The following SLC35D4 variants were observed in gnomAD, a reference collection of about 807,000 sequenced individuals.
SLC35D4 encodes solute carrier family 35 member D4.
At chr18:23,360,026 G>T in the SLC35D4 span, among the ~76,000 whole-genome samples, 4 of 152,222 alleles carry the variant, frequency 2.6e-5, no homozygotes, top group African/African-American at 4.8e-5. Flanking sequence ...CTCCAAAGGT[G>T]CACCTGCAAG....
chr18:23,419,803 C>G, the SLC35D4 span, among the ~76,000 whole-genome samples: 2 of 151,900 alleles, frequency 1.3e-5, no homozygotes, highest in Admixed American at 1.3e-4. Flanking sequence ...TACTGCAGTC[C>G]TCTAAGAAAA....
the SLC35D4 span, among the ~76,000 whole-genome samples, chr18:23,300,016 T>C: frequency 6.6e-6 from 1 of 152,202 alleles, no homozygotes; most frequent in Non-Finnish European, 1.5e-5. Context: ...GTAATCATCA[T>C]TGTCAGCACT....
chr18:23,376,340 A>G, the SLC35D4 span, among the ~76,000 whole-genome samples: 3 of 150,904 alleles, frequency 2.0e-5, no homozygotes, highest in Admixed American at 6.6e-5. Flanking sequence ...CCAATGGACC[A>G]GCACTGACCG....
chr18:23,335,494 C>CT, the SLC35D4 span, among the ~76,000 whole-genome samples: 1 of 152,110 alleles, frequency 6.6e-6, no homozygotes, highest in Admixed American at 6.6e-5. Flanking sequence ...TCAGCCACAC[C>CT]TTAGGGAACT....
the SLC35D4 span, among the ~76,000 whole-genome samples, chr18:23,389,373 G>C: frequency 3.4e-4 from 51 of 152,178 alleles, no homozygotes; most frequent in East Asian, 9.5e-3. Flanking sequence ...GTAAACCTAT[G>C]CCTTTTTTAA....
At chr18:23,423,575 T>C in the SLC35D4 span, among the ~76,000 whole-genome samples, 1 of 152,204 alleles carries the variant, frequency 6.6e-6, no homozygotes, top group African/African-American at 2.4e-5. Flanking sequence ...TGGAATGTCA[T>C]TCCAAGGTTG....
the SLC35D4 span, among the ~76,000 whole-genome samples, chr18:23,408,614 G>A: frequency 6.6e-6 from 1 of 152,094 alleles, no homozygotes; most frequent in African/African-American, 2.4e-5. Flanking sequence ...TCCCACACCT[G>A]TCTCTCTGAA....
chr18:23,383,881 A>T, the SLC35D4 span, among the ~76,000 whole-genome samples: 3 of 150,940 alleles, frequency 2.0e-5, no homozygotes, highest in Admixed American at 2.0e-4. Context: ...ACCTCCAAGG[A>T]GCGGCAGGAT....
chr18:23,342,860 AT>A, the SLC35D4 span, among the ~76,000 whole-genome samples: 1 of 152,140 alleles, frequency 6.6e-6, no homozygotes, highest in Non-Finnish European at 1.5e-5. Flanking sequence ...CCATTTAGAT[AT>A]CTTCTTTTAT....
At chr18:23,302,810 G>A in the SLC35D4 span, among the ~76,000 whole-genome samples, 6 of 152,312 alleles carry the variant, frequency 3.9e-5, no homozygotes, top group South Asian at 2.1e-4. Flanking sequence ...GAGACCACAC[G>A]CCAACGTGAA....
the SLC35D4 span, chr18:23,356,716 T>C: frequency 6.4e-7 from 1 of 1,556,822 alleles, no homozygotes; most frequent in Middle Eastern, 1.7e-4. This position sits in a 1 kb window ranked among gnomAD's most constrained non-coding sequence, Gnocchi z 4.1. Context: ...CACATGACCC[T>C]CTGCCCCATT....
At chr18:23,358,763 C>A in the SLC35D4 span, among the ~76,000 whole-genome samples, 2 of 152,174 alleles carry the variant, frequency 1.3e-5, no homozygotes, top group Admixed American at 6.5e-5. Context: ...AAGACCTGAT[C>A]ATCTCTTGCC....
the SLC35D4 span, among the ~76,000 whole-genome samples, chr18:23,345,720 C>CA: frequency 3.4e-3 from 481 of 141,548 alleles, 3 homozygotes; most frequent in African/African-American, 0.011. Context: ...GAATTTCTAC[C>CA]AAAAAAAAAA....
the SLC35D4 span, chr18:23,370,375 T>G: frequency 9.9e-7 from 1 of 1,005,668 alleles, no homozygotes; most frequent in Non-Finnish European, 1.5e-6. Flanking sequence ...GCACGACTGC[T>G]GGTCCTTTTC....
chr18:23,363,665 C>T, the SLC35D4 span, among the ~76,000 whole-genome samples: 5 of 152,244 alleles, frequency 3.3e-5, no homozygotes, highest in Admixed American at 2.0e-4. Context: ...TGAGTCACCA[C>T]GCCCGGCTGA....
the SLC35D4 span, among the ~76,000 whole-genome samples, chr18:23,328,203 G>C: frequency 6.4e-4 from 97 of 152,216 alleles, no homozygotes; most frequent in African/African-American, 2.3e-3. Flanking sequence ...GTTCTGGCCA[G>C]GGCAATCAGG....
At chr18:23,373,052 GC>G in the SLC35D4 span, among the ~76,000 whole-genome samples, 1 of 152,148 alleles carries the variant, frequency 6.6e-6, no homozygotes, top group Admixed American at 6.5e-5. Flanking sequence ...AGTGGCTCAC[GC>G]CTGTAATACC....
chr18:23,433,807 A>G, the SLC35D4 span, among the ~76,000 whole-genome samples: 1 of 152,294 alleles, frequency 6.6e-6, no homozygotes, highest in East Asian at 1.9e-4. Flanking sequence ...ACTAAAAAAA[A>G]TGGAAATAAA....
chr18:23,295,444 T>C, the SLC35D4 span, among the ~76,000 whole-genome samples: 3 of 151,932 alleles, frequency 2.0e-5, no homozygotes, highest in Admixed American at 1.3e-4. Flanking sequence ...TTCCTCCAAA[T>C]TAATAAGTGT....
Sources: allele counts gnomAD v4.1 joint callset (sites outside exome capture counted in the v4.1 genomes callset), GRCh38; gene constraint gnomAD v4.1.1; non-coding constraint Gnocchi (gnomAD v3.1); transcripts MANE v1.5; gene names NCBI Gene and HGNC (gene_info 2026-07-23, HGNC 2026-07-21).